Variants in SLC6A20 observed in about 807,000 individuals in gnomAD.
The protein encoded by SLC6A20 is sodium- and chloride-dependent transporter XTRP3.
A neutral mutation model predicts 64.3 loss-of-function variants in SLC6A20; 73 were observed. The observed-to-expected ratio is 1.14, with a 90% CI of 0.94 to 1.38. SLC6A20 has a LOEUF of 1.38. Among genes scored for constraint, SLC6A20 ranks in the 40% most tolerant of loss-of-function variants. The pLI is 0.00. For synonymous variants in SLC6A20, 347 were observed against 329.6 expected, an observed-to-expected ratio of 1.05 and a Z score of -0.57; for missense variants, 725 against 772.8, an observed-to-expected ratio of 0.94 and a Z score of 0.73.
intron 3 of SLC6A20, 77 bp from the exon 4 acceptor site, chr3:45,776,065 C>A: frequency 1.4e-6 from 2 of 1,414,120 alleles, no homozygotes; most frequent in South Asian, 1.2e-5. Context: ...AGGGAGGTGG[C>A]CCTGAGCGGA....
At chr3:45,760,411 C>T (rs112804041) in intron 9 of SLC6A20, among the ~76,000 whole-genome samples, 55 of 152,096 alleles carry the variant, frequency 3.6e-4, no homozygotes, top group African/African-American at 1.3e-3. Flanking sequence ...GGCGGCTTTG[C>T]CCACCCCCCT....
intron 6 of SLC6A20, 32 bp from the exon 7 acceptor site, chr3:45,770,403 T>C (rs762744435): frequency 1.9e-6 from 3 of 1,607,582 alleles, no homozygotes; most frequent in Non-Finnish European, 2.6e-6. Context: ...CGACCTTCAC[T>C]GATCAGAAAG....
At position 45,771,362 on chromosome 3, in the gene SLC6A20, T is replaced by C; in HGVS notation, c.790A>G (p.Ser264Gly). ...CAGTTGTTGGATGGCTCATTGTAGC[T>C]GGCGAAGGCGATCAGGCTGCCGAAG... ...LGFGSLIAFA[S>G]YNEPSNNCQK... is the part of the protein sequence containing the mutation. Residue 264 changes from serine to glycine, a missense_variant, in exon 6 of 11, where the codon AGC becomes GGC. By Grantham distance (56) the Ser-to-Gly change is moderately conservative. Transcript: ENST00000358525. 1 of 1,614,224 alleles carries C rather than the reference T, an allele frequency of 6.2e-7. No homozygotes were observed. The highest frequency in any genetic ancestry group is 8.5e-7 in the Non-Finnish European group (1 of 1,180,046).
At position 45,775,776 on chromosome 3, in the gene SLC6A20, G is replaced by A. The variant is rs146942696; in HGVS notation, c.567C>T (p.Thr189=). 23 of 1,613,644 alleles carry A rather than the reference G, an allele frequency of 1.4e-5. No homozygotes were observed. The African/African-American group carries it at 1.5e-4, about 10-fold the overall frequency. The change falls in exon 4 of 11, where the codon ACC becomes ACT. Residue 189 remains threonine (T), a synonymous_variant. Transcript: ENST00000358525. Reference sequence around the variant, plus strand: ...ACTGTCCCACCTTGCCAGTGGACTCGGTGCCACGCAGGATGCACAGGTACA... The same window carrying A: ...ACTGTCCCACCTTGCCAGTGGACTCAGTGCCACGCAGGATGCACAGGTACA... ...LVVYLCILRG[T]ESTGKVVYFT...
intron 3 of SLC6A20, 68 bp downstream of exon 3, chr3:45,779,941 C>A (rs71325086): frequency 1.1e-5 from 16 of 1,496,872 alleles, no homozygotes; most frequent in Non-Finnish European, 1.4e-5. Flanking sequence ...CTTCCCCGAG[C>A]GGGTGGCCCT....
In SLC6A20 at chr3:45,778,486, T is replaced by C. The variant is rs369323399; in HGVS notation, c.354+1523A>G. 2.7e-3 allele frequency among the ~76,000 whole-genome samples: 414 copies of C among 152,288 alleles called. 16 individuals carry two copies. In the South Asian group the frequency reaches 0.057, roughly 21 times the overall value. The stretch of plus-strand genomic sequence containing the variant: ...ATGAAGGATGGAATGAATGAATATT[T>C]AAGTGATTTTCATGAATCGCTGGCC... On this transcript the variant is annotated intron_variant, in intron 3 of 10. Coordinates refer to ENST00000358525, the MANE Select transcript of SLC6A20 (RefSeq NM_020208.4).
At chr3:45,774,678 G>C (rs1699934861) in intron 4 of SLC6A20, among the ~76,000 whole-genome samples, 2 of 152,180 alleles carry the variant, frequency 1.3e-5, no homozygotes, top group South Asian at 2.1e-4. Flanking sequence ...ATACATGGGG[G>C]GTGGGGTGTG....
At chr3:45,783,958 A>G (rs1700136010) in intron 1 of SLC6A20, among the ~76,000 whole-genome samples, 1 of 152,218 alleles carries the variant, frequency 6.6e-6, no homozygotes, top group Admixed American at 6.5e-5. Flanking sequence ...AATATCTGAC[A>G]ATAAAGATTG....
rs774842731 is a variant in SLC6A20 at position 45,775,860 on chromosome 3, C to T, written c.483G>A (p.Gln161=). The T allele has an allele frequency of 6.2e-7, 1 of 1,614,100 alleles. No homozygotes were observed. Among genetic ancestry groups the T allele is most frequent in the Non-Finnish European group, 8.5e-7 (1 of 1,180,054 alleles). ...RKTLNISPSL[Q]ENGGVQWEPA... ...GCTCCCACTGCACACCCCCGTTCTCCTGGAGGGACGGCGAGATATTGAGGG... is the reference window on the plus strand; with the variant it reads ...GCTCCCACTGCACACCCCCGTTCTCTTGGAGGGACGGCGAGATATTGAGGG... The change falls in exon 4 of 11, where the codon CAG becomes CAA. Residue 161 remains glutamine, a synonymous_variant. Coordinates refer to ENST00000358525, the MANE Select transcript of SLC6A20 (RefSeq NM_020208.4).
At chr3:45,760,102 A>T (rs1200612344) in intron 9 of SLC6A20, 80 bp from the exon 10 acceptor site, 1 of 1,457,404 alleles carries the variant, frequency 6.9e-7, no homozygotes, top group African/African-American at 1.4e-5. Flanking sequence ...GTCCCTATTC[A>T]CAAAGGAACA....
chr3:45,793,736 G>A (rs182605899), intron 1 of SLC6A20, among the ~76,000 whole-genome samples: 293 of 152,264 alleles, frequency 1.9e-3, no homozygotes, highest in African/African-American at 6.5e-3. Flanking sequence ...TTGTTTGCTG[G>A]GGGTATTTGC....
chr3:45,769,853 A>G (rs1339835174), intron 7 of SLC6A20, among the ~76,000 whole-genome samples: 1 of 152,220 alleles, frequency 6.6e-6, no homozygotes, highest in Non-Finnish European at 1.5e-5. Context: ...ATGTTCTTTT[A>G]TATAAAAAAA....
intron 3 of SLC6A20, 72 bp downstream of exon 3, chr3:45,779,937 C>A: frequency 6.7e-7 from 1 of 1,491,764 alleles, no homozygotes; most frequent in South Asian, 1.2e-5. Context: ...CCCCCTTCCC[C>A]GAGCGGGTGG....
chr3:45,763,048 G>T lies in SLC6A20; in HGVS notation c.1328C>A (p.Ala443Asp), dbSNP rs1409973545. ...ISGLVCLVNC[A>D]IGMVFTMEAG... ...CTCCATCGTGAACACCATGCCAATG[G>T]CACAGTTGACAAGGCACACCAGACC... Residue 443 changes from alanine (A) to aspartate (D), a missense_variant, in exon 9 of 11, where the codon GCC (alanine) becomes GAC (aspartate). Transcript: ENST00000358525. 1.2e-6 allele frequency: 2 copies of T among 1,614,088 alleles called. No homozygotes were observed. The highest frequency in any genetic ancestry group is 3.3e-5 in the Admixed American group (2 of 60,028).
rs369845989 is a variant in SLC6A20 at position 45,766,869 on chromosome 3, G to A, written c.1099-1128C>T. On this transcript the variant is annotated intron_variant, in intron 7 of 10. Transcript: ENST00000358525. The stretch of plus-strand genomic sequence containing the variant: ...ATTCCTGTTTTTTGCTGGGCACAGC[G>A]GCTCATGCCTGTAATCCCAGCACTT... Among the ~76,000 whole-genome samples, 465 of 152,314 alleles carry A rather than the reference G, an allele frequency of 3.1e-3. 2 individuals are homozygous for A. The highest frequency in any genetic ancestry group is 0.011 in the African/African-American group (443 of 41,564).
intron 7 of SLC6A20, 150 bp downstream of exon 7, chr3:45,770,059 G>T: frequency 2.0e-6 from 2 of 997,460 alleles, no homozygotes; most frequent in Non-Finnish European, 1.5e-6. Context: ...TGGTGTTAAA[G>T]CCTCTCTTCC....
Position 45,779,925 on chromosome 3 carries a change from C to T in SLC6A20, c.354+84G>A, listed in dbSNP as rs1436909210. Reference sequence around the variant, plus strand: ...CCCCGAGGCTGCTCACCTTGCCCCACACCCCCTTCCCCGAGCGGGTGGCCC... The same window carrying T: ...CCCCGAGGCTGCTCACCTTGCCCCATACCCCCTTCCCCGAGCGGGTGGCCC... On this transcript the variant is annotated intron_variant, in intron 3 of 10. Transcript: ENST00000358525. 12 of 1,445,546 alleles carry T rather than the reference C, an allele frequency of 8.3e-6. No homozygotes were observed. In the Admixed American group the frequency reaches 1.8e-4, roughly 22 times the overall value. 89.5% of individuals were successfully genotyped at this position (1,445,546 alleles called of 1,614,324 possible).
In SLC6A20 at chr3:45,760,017, T is replaced by G. The variant is rs139257600; in HGVS notation, c.1469A>C (p.Glu490Ala). Residue 490 changes from glutamate to alanine, a missense_variant, in exon 10 of 11, where the codon GAA becomes GCA. Glu to Ala is a moderately radical substitution (Grantham distance 107). Transcript: ENST00000358525. ...VCYVYGLRRF[E>A]SDLKAMTGRA... ...GCCGGTCATGGCCTTAAGGTCACTT[T>G]CAAATCTATTTGGAAAACAGGGAGA... 38 of 1,607,036 alleles carry G rather than the reference T, an allele frequency of 2.4e-5. No homozygotes were observed. Among genetic ancestry groups the G allele is most frequent in the Non-Finnish European group, 3.1e-5 (37 of 1,177,186 alleles).
chr3:45,796,502 A>G lies in SLC6A20; in HGVS notation c.-83T>C, dbSNP rs1700352419. On this transcript the variant is annotated 5_prime_UTR_variant, in exon 1 of 11. Coordinates refer to ENST00000358525, the MANE Select transcript of SLC6A20 (RefSeq NM_020208.4). ...GCGCGGTCGCCAGGCGCGCCGTCCC[A>G]CCCCGGCTCGGCTTGGGGGTGGCCC... The G allele has an allele frequency of 2.8e-6, 4 of 1,426,694 alleles. No homozygotes were observed. The Admixed American group carries it at 1.0e-4, about 36-fold the overall frequency. 88.4% of individuals were successfully genotyped at this position (1,426,694 alleles called of 1,614,324 possible). A position where few individuals can be genotyped will look rare whatever the true frequency, so the allele number is the denominator to read the frequency against.
Sources: allele counts gnomAD v4.1 joint callset (sites outside exome capture counted in the v4.1 genomes callset), GRCh38; gene constraint gnomAD v4.1.1; transcripts MANE v1.5; gene names NCBI Gene and HGNC (gene_info 2026-07-23, HGNC 2026-07-21).